The following CNTNAP3 variants were observed in gnomAD, a reference collection of about 807,000 sequenced individuals.
CNTNAP3 encodes the protein contactin-associated protein-like 3.
CNTNAP3 carries 36 observed loss-of-function variants against 92.1 expected under a neutral mutation model. That is an observed-to-expected ratio of 0.39 (90% CI 0.30 to 0.52). The LOEUF (loss-of-function observed/expected upper bound fraction) is 0.52. Ranked by LOEUF, CNTNAP3 falls within the 20% of genes least tolerant of loss-of-function variation. CNTNAP3 has a pLI of 0.76. For missense variants in CNTNAP3, 534 were observed against 1,069.6 expected (o/e 0.50, Z 6.98); for synonymous variants, 232 against 422.3 (o/e 0.55, Z 5.53).
rs1419522395 is a variant in CNTNAP3 at position 39,067,501 on chromosome 9, C to T, written c.*6389G>A. On this transcript the variant is annotated 3_prime_UTR_variant, in exon 24 of 24. Coordinates refer to ENST00000297668, the MANE Select transcript of CNTNAP3 (RefSeq NM_033655.5). ...CAAACTCTGCCTCCCGGGTTCATGCCATTCTCCTGCCCCAGCCTCCCGAGT... is the reference window on the plus strand; with the variant it reads ...CAAACTCTGCCTCCCGGGTTCATGCTATTCTCCTGCCCCAGCCTCCCGAGT... 1.8e-3 allele frequency among the ~76,000 whole-genome samples: 268 copies of T among 151,076 alleles called. No individual in the cohort carries two copies. In the South Asian group the frequency reaches 0.027, roughly 15 times the overall value.
At chr9:39,101,812 T>G (rs1289715505) in intron 17 of CNTNAP3, among the ~76,000 whole-genome samples, 799 of 148,128 alleles carry the variant, frequency 5.4e-3, no homozygotes, top group African/African-American at 0.02. Context: ...ATGATCTCAC[T>G]AATAGTGTTG....
chr9:39,114,178 C>G (rs375394183), intron 14 of CNTNAP3, among the ~76,000 whole-genome samples: 14,372 of 141,398 alleles, frequency 0.1, 702 homozygotes, highest in African/African-American at 0.15. Context: ...TGCCTTCCAG[C>G]TTCACGCCAT....
intron 12 of CNTNAP3, 44 bp downstream of exon 12, chr9:39,140,475 C>T: frequency 6.2e-7 from 1 of 1,600,464 alleles, no homozygotes; most frequent in Non-Finnish European, 8.5e-7. Flanking sequence ...GTAAATTTCT[C>T]CTTGGTCTAT....
intron 12 of CNTNAP3, among the ~76,000 whole-genome samples, chr9:39,138,264 A>G (rs758844692): frequency 7.2e-5 from 11 of 152,102 alleles, no homozygotes; most frequent in Non-Finnish European, 1.3e-4. Flanking sequence ...TATAAGTAAC[A>G]TGTGTGGGAA....
intron 13 of CNTNAP3, among the ~76,000 whole-genome samples, chr9:39,123,251 C>T (rs1242174619): frequency 6.6e-6 from 1 of 151,888 alleles, no homozygotes; most frequent in African/African-American, 2.4e-5. Flanking sequence ...CCCGCCACCA[C>T]GCCCGGCTAA....
At chr9:39,147,574 G>T (rs2118126942) in intron 10 of CNTNAP3, among the ~76,000 whole-genome samples, 1 of 152,258 alleles carries the variant, frequency 6.6e-6, no homozygotes, top group Middle Eastern at 3.4e-3. Flanking sequence ...ATTTAAAAGT[G>T]CTTTCTTAAA....
Position 39,066,211 on chromosome 9 carries a change from C to A in CNTNAP3, c.*7679G>T, listed in dbSNP as rs1159414916. 1.3e-5 allele frequency among the ~76,000 whole-genome samples: 2 copies of A among 152,222 alleles called. No individual in the cohort carries two copies. The highest frequency in any genetic ancestry group is 4.8e-5 in the African/African-American group (2 of 41,454). ...CTTAAAGATAACTTGTAATAGCCAA[C>A]TTTTAATAGGCATTATACGACTTTA... On this transcript the variant is annotated 3_prime_UTR_variant, in exon 24 of 24. Coordinates refer to ENST00000297668, the MANE Select transcript of CNTNAP3 (RefSeq NM_033655.5).
intron 18 of CNTNAP3, among the ~76,000 whole-genome samples, chr9:39,093,167 T>C (rs1826247358): frequency 8.2e-6 from 1 of 121,316 alleles, no homozygotes; most frequent in Non-Finnish European, 1.8e-5. Flanking sequence ...TCTGACAATA[T>C]TTGTCTTTTG....
Position 39,072,591 on chromosome 9 carries a change from C to G in CNTNAP3, c.*1299G>C, listed in dbSNP as rs1359073206. On this transcript the variant is annotated 3_prime_UTR_variant, in exon 24 of 24. Coordinates refer to ENST00000297668, the MANE Select transcript of CNTNAP3 (RefSeq NM_033655.5). Reference sequence around the variant, plus strand: ...TTGGGTAATCTATGGGAATTTGGCCCCATGGTCATAAACCTGTGATCAGAC... The same window carrying G: ...TTGGGTAATCTATGGGAATTTGGCCGCATGGTCATAAACCTGTGATCAGAC... 5.9e-5 allele frequency among the ~76,000 whole-genome samples: 9 copies of G among 152,160 alleles called. No individual in the cohort carries two copies. In the South Asian group the frequency reaches 6.2e-4, roughly 11 times the overall value.
In CNTNAP3 at chr9:39,069,442, C is replaced by A. The variant is rs1825589322; in HGVS notation, c.*4448G>T. On this transcript the variant is annotated 3_prime_UTR_variant, in exon 24 of 24. Coordinates refer to ENST00000297668, the MANE Select transcript of CNTNAP3 (RefSeq NM_033655.5). ...CTAGCTAAGTTAGAAATTTTCATAT[C>A]GCAAAATCTAAAAGTTCATCTTATG... Among the ~76,000 whole-genome samples the A allele has an allele frequency of 1.3e-5, 2 of 152,296 alleles. No individual in the cohort carries two copies. Among genetic ancestry groups the A allele is most frequent in the African/African-American group, 4.8e-5 (2 of 41,474 alleles).
rs149597063 is a variant in CNTNAP3 at position 39,132,977 on chromosome 9, G to C, written c.2035C>G (p.Arg679Gly). ...GCCGTCCCGCAGCGCAGAGCCAGCCGCTGCTCGCAGCGCTCCGCCAGGTTC... is the reference window on the plus strand; with the variant it reads ...GCCGTCCCGCAGCGCAGAGCCAGCCCCTGCTCGCAGCGCTCCGCCAGGTTC... ...AVNLAERCEQ[R>G]LALRCGTARR... The change falls in exon 13 of 24, where the codon CGG (arginine) becomes GGG (glycine). Residue 679 changes from arginine (R) to glycine (G), a missense_variant. Physicochemically the swap from Arg to Gly is moderately radical, Grantham distance 125 (BLOSUM62 -2). Transcript: ENST00000297668. 2 of 1,542,958 alleles carry C rather than the reference G, an allele frequency of 1.3e-6. No homozygotes were observed. The highest frequency in any genetic ancestry group is 1.7e-6 in the Non-Finnish European group (2 of 1,153,776).
intron 12 of CNTNAP3, among the ~76,000 whole-genome samples, chr9:39,140,253 T>C (rs1587728539): frequency 6.6e-6 from 1 of 151,982 alleles, no homozygotes; most frequent in Admixed American, 6.5e-5. Flanking sequence ...GTTTGTATTT[T>C]TCATGATGCA....
At chr9:39,153,904 T>C (rs116156374) in intron 9 of CNTNAP3, among the ~76,000 whole-genome samples, 2 of 147,536 alleles carry the variant, frequency 1.4e-5, no homozygotes, top group African/African-American at 2.6e-5. Context: ...GAAATCCACA[T>C]CCACCAGTGA....
chr9:39,115,655 A>T (rs1820839197), intron 14 of CNTNAP3, among the ~76,000 whole-genome samples: 1 of 151,898 alleles, frequency 6.6e-6, no homozygotes, highest in Admixed American at 6.6e-5. Flanking sequence ...TGAATGTAGG[A>T]GGGGAGTTAA....
intron 21 of CNTNAP3, among the ~76,000 whole-genome samples, chr9:39,080,235 T>G (rs1395320195): frequency 7.7e-5 from 11 of 142,692 alleles, no homozygotes; most frequent in Non-Finnish European, 1.7e-4. Flanking sequence ...CAATTTGGTT[T>G]TAACCCAAAT....
intron 13 of CNTNAP3, among the ~76,000 whole-genome samples, chr9:39,130,272 G>T (rs1231635376): frequency 6.6e-6 from 1 of 151,562 alleles, no homozygotes; most frequent in Admixed American, 6.6e-5. Context: ...AATAAACTCT[G>T]GTATATCCAT....
intron 8 of CNTNAP3, among the ~76,000 whole-genome samples, chr9:39,170,502 T>C (rs1822238489): frequency 1.2e-5 from 1 of 85,526 alleles, no homozygotes; most frequent in Non-Finnish European, 2.0e-5. Context: ...GCTCCTCCCA[T>C]CTGCAAATCC....
chr9:39,132,880 GGGCCGC>G, intron 13 of CNTNAP3, 46 bp downstream of exon 13: 1 of 1,500,006 alleles, frequency 6.7e-7, no homozygotes, highest in East Asian at 2.6e-5. Context: ...CGCAGCCCGA[GGGCCGC>G]GCCCCGGCCC....
chr9:39,137,185 G>T (rs1326591193), intron 12 of CNTNAP3, among the ~76,000 whole-genome samples: 1 of 151,796 alleles, frequency 6.6e-6, no homozygotes, highest in Non-Finnish European at 1.5e-5. Flanking sequence ...TTTGCGGGGG[G>T]TTGGGTTCAG....
Sources: allele counts gnomAD v4.1 joint callset (sites outside exome capture counted in the v4.1 genomes callset), GRCh38; gene constraint gnomAD v4.1.1; transcripts MANE v1.5; gene names NCBI Gene and HGNC (gene_info 2026-07-23, HGNC 2026-07-21).